Variants in P4HB observed in about 807,000 individuals in gnomAD.
The protein encoded by P4HB is protein disulfide-isomerase.
A neutral mutation model predicts 52.6 loss-of-function variants in P4HB; 20 were observed. The ratio of observed to expected loss-of-function variants is 0.38; its 90% confidence interval spans 0.27 to 0.55. The LOEUF is 0.55. P4HB is among the 20% of genes least tolerant of loss of function. The pLI is 0.74. For missense variants in P4HB, 601 were observed against 669.2 expected, an observed-to-expected ratio of 0.90 and a Z score of 1.12; for synonymous variants, 296 against 277.9, an observed-to-expected ratio of 1.07 and a Z score of -0.65.
At position 81,855,333 on chromosome 17, in the gene P4HB, AG is replaced by A; in HGVS notation, c.487-55del. ...TCATGATCCCGCAGCACCAAGCAGTAGGGCAGACCCTGTAGAGCCCAGGCCA... is the reference window on the plus strand; with the variant it reads ...TCATGATCCCGCAGCACCAAGCAGTAGGCAGACCCTGTAGAGCCCAGGCCA... On this transcript the variant is annotated intron_variant, in intron 3 of 10. Coordinates refer to ENST00000331483, the MANE Select transcript of P4HB (RefSeq NM_000918.4). The surrounding 1 kb of genome is among the most constrained non-coding windows in gnomAD (Gnocchi z 4.3). 3 of 1,611,702 alleles carry A rather than the reference AG, an allele frequency of 1.9e-6. No homozygotes were observed. The highest frequency in any genetic ancestry group is 2.5e-6 in the Non-Finnish European group (3 of 1,178,566).
intron 4 of P4HB, among the ~76,000 whole-genome samples, chr17:81,850,773 G>A (rs768945264): frequency 5.8e-4 from 88 of 152,160 alleles, no homozygotes; most frequent in African/African-American, 1.9e-3. Context: ...GTGAGCCAGC[G>A]TGTCCAGCCA....
intron 8 of P4HB, 53 bp from the exon 9 acceptor site, chr17:81,845,795 C>G: frequency 6.2e-7 from 1 of 1,612,774 alleles, no homozygotes; most frequent in Non-Finnish European, 8.5e-7. Flanking sequence ...CACTGGCAGA[C>G]GCTTCCCCAG....
intron 4 of P4HB, among the ~76,000 whole-genome samples, chr17:81,848,350 A>G (rs2038771437): frequency 6.6e-6 from 1 of 152,224 alleles, no homozygotes; most frequent in Non-Finnish European, 1.5e-5. Context: ...GGAGGAATCT[A>G]AAACATCACT....
intron 4 of P4HB, among the ~76,000 whole-genome samples, chr17:81,850,976 C>G (rs898107373): frequency 6.6e-6 from 1 of 151,150 alleles, no homozygotes; most frequent in Non-Finnish European, 1.5e-5. Flanking sequence ...CTGTCGCCTA[C>G]GCTGGAGTGC....
chr17:81,852,279 C>A (rs181013553), intron 4 of P4HB, among the ~76,000 whole-genome samples: 1 of 152,298 alleles, frequency 6.6e-6, no homozygotes, highest in African/African-American at 2.4e-5. Context: ...CAGCAGCCCC[C>A]GCAGAGGTTT....
chr17:81,855,925 G>A lies in P4HB; in HGVS notation c.353-339C>T. 1 of 224,072 alleles carries A rather than the reference G, an allele frequency of 4.5e-6. No individual in the cohort carries two copies. Among genetic ancestry groups the A allele is most frequent in the Non-Finnish European group, 8.8e-6 (1 of 113,718 alleles). The allele number at this position is 224,072 out of a possible 1,614,324, so 13.9% of individuals were successfully genotyped here. On this transcript the variant is annotated intron_variant, in intron 2 of 10. Coordinates refer to ENST00000331483, the MANE Select transcript of P4HB (RefSeq NM_000918.4). The surrounding 1 kb of genome is among the most constrained non-coding windows in gnomAD (Gnocchi z 4.3). Reference sequence around the variant, plus strand: ...CACTCTGTTACCCAGCTGGAGGGTAGTGGCAGAATCTTGGCTCACTGCAGC... The same window carrying A: ...CACTCTGTTACCCAGCTGGAGGGTAATGGCAGAATCTTGGCTCACTGCAGC...
intron 2 of P4HB, among the ~76,000 whole-genome samples, chr17:81,856,238 C>T (rs2038910143): frequency 6.6e-6 from 1 of 151,856 alleles, no homozygotes; most frequent in South Asian, 2.1e-4. Flanking sequence ...ATGATCATGG[C>T]TCACTGCAAC....
At chr17:81,851,095 T>TA (rs1247756878) in intron 4 of P4HB, among the ~76,000 whole-genome samples, 1 of 152,030 alleles carries the variant, frequency 6.6e-6, no homozygotes, top group African/African-American at 2.4e-5. Context: ...CACGCCCGGC[T>TA]AATTTTTTGT....
Position 81,843,688 on chromosome 17 carries a change from C to T in P4HB, c.*324G>A, listed in dbSNP as rs200164217. On this transcript the variant is annotated 3_prime_UTR_variant, in exon 11 of 11. Transcript: ENST00000331483. ...TTTCAAAAAGAGGAGAAACCTCCCG[C>T]GGGAGGGAGGCAGCGAGACTCCGAA... 8 of 432,060 alleles carry T rather than the reference C, an allele frequency of 1.9e-5. No individual in the cohort carries two copies. The highest frequency in any genetic ancestry group is 1.4e-4 in the South Asian group (2 of 14,654). 26.8% of individuals were successfully genotyped at this position (432,060 alleles called of 1,614,324 possible).
intron 4 of P4HB, among the ~76,000 whole-genome samples, chr17:81,854,798 C>T (rs1203361245): frequency 2.0e-5 from 3 of 148,494 alleles, no homozygotes; most frequent in African/African-American, 2.5e-5. Flanking sequence ...GCCGAGATCA[C>T]GCAACTGCAC....
chr17:81,846,235 GC>G lies in P4HB; in HGVS notation c.1056+193del. The G allele has an allele frequency of 1.4e-6, 1 of 718,100 alleles. No homozygotes were observed. Among genetic ancestry groups the G allele is most frequent in the South Asian group, 1.9e-5 (1 of 53,438 alleles). The allele number at this position is 718,100 out of a possible 1,614,324, so 44.5% of individuals were successfully genotyped here. A position where few individuals can be genotyped will look rare whatever the true frequency, so the allele number is the denominator to read the frequency against. On this transcript the variant is annotated intron_variant, in intron 7 of 10. Transcript: ENST00000331483. This position sits in a 1 kb window ranked among gnomAD's most constrained non-coding sequence, Gnocchi z 5.7. ...GTTTCCCTGAGGAGCATCTGGGCCA[GC>G]CGTGTGGACAAGAGGGCTCCTACAG... is the stretch of plus-strand genomic sequence containing the variant.
chr17:81,845,438 G>A (rs1308232045), intron 9 of P4HB, 123 bp downstream of exon 9: 3 of 1,001,838 alleles, frequency 3.0e-6, no homozygotes, highest in African/African-American at 1.6e-5. Context: ...TTCTGAAGGA[G>A]CTCCCACAGC....
At chr17:81,853,234 C>CCCT (rs1283479735) in intron 4 of P4HB, among the ~76,000 whole-genome samples, 3 of 152,196 alleles carry the variant, frequency 2.0e-5, no homozygotes, top group Admixed American at 1.3e-4. Context: ...GCTGGCTCTA[C>CCCT]CCTCCCTCCT....
At chr17:81,845,510 C>A (rs781095808) in intron 9 of P4HB, 51 bp downstream of exon 9, 2 of 1,510,918 alleles carry the variant, frequency 1.3e-6, no homozygotes, top group Admixed American at 4.2e-5. Context: ...GGCGTGGGGA[C>A]CACTGCTCTT....
chr17:81,844,116 G>A (rs201409454), intron 10 of P4HB, 24 bp from the exon 11 acceptor site: 36 of 1,556,688 alleles, frequency 2.3e-5, no homozygotes, highest in Non-Finnish European at 3.2e-5. Context: ...AAAGGGGCGG[G>A]GCGGGCAGGT....
rs2038899748 is a variant in P4HB, at chr17:81,855,479, C to T, written c.460G>A (p.Glu154Lys). The change falls in exon 3 of 11, where the codon GAG becomes AAG. Residue 154 changes from glutamate (E) to lysine (K), a missense_variant. Coordinates refer to ENST00000331483, the MANE Select transcript of P4HB (RefSeq NM_000918.4). This position sits in a 1 kb window ranked among gnomAD's most constrained non-coding sequence, Gnocchi z 4.3. ...TTGAAGAAGCCGATGACAGCCACCT[C>T]GCTGGACTCCACCAAGGACTCTGCA... ...AAAESLVESS[E>K]VAVIGFFKDV... The T allele has an allele frequency of 3.1e-6, 5 of 1,613,464 alleles. No homozygotes were observed. The highest frequency in any genetic ancestry group is 3.4e-6 in the Non-Finnish European group (4 of 1,179,806).
At chr17:81,858,681 C>T (rs144496310) in intron 2 of P4HB, 2 of 166,054 alleles carry the variant, frequency 1.2e-5, no homozygotes, top group African/African-American at 4.8e-5. Context: ...TACCGACAGG[C>T]TCGATGCTGT....
chr17:81,852,309 C>T (rs567322406), intron 4 of P4HB, among the ~76,000 whole-genome samples: 1 of 152,270 alleles, frequency 6.6e-6, no homozygotes, highest in East Asian at 1.9e-4. Context: ...GCAGTGCCTG[C>T]TAGGGAAGGA....
chr17:81,843,371 C>T lies in P4HB; in HGVS notation c.*641G>A. The T allele has an allele frequency of 2.5e-6, 1 of 397,610 alleles. No individual in the cohort carries two copies. The highest frequency in any genetic ancestry group is 3.6e-5 in the East Asian group (1 of 28,044). The allele number at this position is 397,610 out of a possible 1,614,324, so 24.6% of individuals were successfully genotyped here. A position where few individuals can be genotyped will look rare whatever the true frequency, so the allele number is the denominator to read the frequency against. ...AATGAGCCCACGACAGGAGGAGGAG[C>T]CCTGGCTTGAGGGAAGGGGAAGGCC... On this transcript the variant is annotated 3_prime_UTR_variant, in exon 11 of 11. Transcript: ENST00000331483.
Sources: allele counts gnomAD v4.1 joint callset (sites outside exome capture counted in the v4.1 genomes callset), GRCh38; gene constraint gnomAD v4.1.1; non-coding constraint Gnocchi (gnomAD v3.1); transcripts MANE v1.5; gene names NCBI Gene and HGNC (gene_info 2026-07-23, HGNC 2026-07-21).